Variants in RBFOX1 observed in about 807,000 individuals in gnomAD.
RBFOX1 encodes the protein RNA binding protein fox-1 homolog 1.
Under a neutral mutation model 57.7 loss-of-function variants are expected in RBFOX1, and 8 were observed. That is an observed-to-expected ratio of 0.14 (90% CI 0.08 to 0.25). The LOEUF is 0.25. Among genes scored for constraint, RBFOX1 ranks in the 10% least tolerant of loss-of-function variants. The probability of loss-of-function intolerance (pLI) is 1.00; values close to 1 mark genes in which losing one functional copy is unlikely to be tolerated. For synonymous variants in RBFOX1, 326 were observed against 222.4 expected, an observed-to-expected ratio of 1.47 and a Z score of -4.15; for missense variants, 611 against 548.5, an observed-to-expected ratio of 1.11 and a Z score of -1.14.
chr16:6,286,122 A>T (rs1263679405), intron 1 of RBFOX1, among the ~76,000 whole-genome samples: 2 of 152,160 alleles, frequency 1.3e-5, no homozygotes, highest in Non-Finnish European at 2.9e-5. Context: ...ATATGTTTCA[A>T]AGCAACGCTT....
At chr16:5,895,938 C>G (rs963091494) in intron 4 of RBFOX1, among the ~76,000 whole-genome samples, 3 of 152,142 alleles carry the variant, frequency 2.0e-5, no homozygotes, top group African/African-American at 7.2e-5. Flanking sequence ...AGAATGAAGT[C>G]TGTATTCCTG....
intron 2 of RBFOX1, among the ~76,000 whole-genome samples, chr16:6,564,804 C>T (rs1285347452): frequency 2.6e-5 from 4 of 152,086 alleles, no homozygotes; most frequent in Non-Finnish European, 4.4e-5. Context: ...TCACATTGTA[C>T]ACCTTGAATC....
chr16:5,470,308 C>G (rs1218611769), intron 2 of RBFOX1, among the ~76,000 whole-genome samples: 1 of 152,152 alleles, frequency 6.6e-6, no homozygotes, highest in Non-Finnish European at 1.5e-5. Context: ...GAGACAGGCT[C>G]TTCTCACCTA....
At chr16:6,962,126 C>T (rs920476085) in intron 3 of RBFOX1, among the ~76,000 whole-genome samples, 18 of 152,162 alleles carry the variant, frequency 1.2e-4, no homozygotes, top group African/African-American at 4.1e-4. Flanking sequence ...GACCATATTT[C>T]CTCTGAAGTC....
chr16:5,949,770 C>T (rs1330947377), intron 4 of RBFOX1, among the ~76,000 whole-genome samples: 2 of 152,078 alleles, frequency 1.3e-5, no homozygotes, highest in South Asian at 2.1e-4. Context: ...AATTCATCAC[C>T]CCGAATATTC....
At chr16:5,472,501 A>G (rs1236352816) in intron 2 of RBFOX1, among the ~76,000 whole-genome samples, 1 of 152,136 alleles carries the variant, frequency 6.6e-6, no homozygotes, top group Non-Finnish European at 1.5e-5. Context: ...GGTCAGACTG[A>G]CTGGGGAGTA....
chr16:5,984,946 TTATATATATATA>T (rs61004841), intron 4 of RBFOX1, among the ~76,000 whole-genome samples: 2,969 of 69,498 alleles, frequency 0.043, 95 homozygotes, highest in South Asian at 0.1. Context: ...GGCAACTCCA[TTATATATATATA>T]TATATATATA....
intron 1 of RBFOX1, among the ~76,000 whole-genome samples, chr16:6,277,143 TG>T (rs2075884237): frequency 6.6e-6 from 1 of 152,196 alleles, no homozygotes; most frequent in Admixed American, 6.5e-5. Flanking sequence ...AGTTTTGTAA[TG>T]ACTTATAAAT....
At chr16:7,443,101 C>G (rs2098781915) in intron 4 of RBFOX1, among the ~76,000 whole-genome samples, 1 of 152,156 alleles carries the variant, frequency 6.6e-6, no homozygotes, top group South Asian at 2.1e-4. Flanking sequence ...ACACTCTTAC[C>G]AAGGATAAAA....
intron 2 of RBFOX1, among the ~76,000 whole-genome samples, chr16:5,574,114 T>C (rs1465657884): frequency 6.6e-6 from 1 of 152,218 alleles, no homozygotes; most frequent in Non-Finnish European, 1.5e-5. Flanking sequence ...ACTTGTACAA[T>C]AGGCAGATGT....
At chr16:6,462,391 C>T in intron 2 of RBFOX1, among the ~76,000 whole-genome samples, 1 of 152,144 alleles carries the variant, frequency 6.6e-6, no homozygotes, top group East Asian at 1.9e-4. Flanking sequence ...TTTTGCAAGG[C>T]ATGGTTATTG....
chr16:5,615,031 C>G (rs1376667551), intron 3 of RBFOX1, among the ~76,000 whole-genome samples: 1 of 152,148 alleles, frequency 6.6e-6, no homozygotes, highest in Non-Finnish European at 1.5e-5. Context: ...GTGTAGCATT[C>G]AGCTCAGTTT....
rs76013657 is a variant in RBFOX1, at chr16:5,947,863, G to A, written c.351+80528G>A. On this transcript the variant is annotated intron_variant, in intron 4 of 19. Transcript: ENST00000641259. The surrounding 1 kb of genome is among the most constrained non-coding windows in gnomAD (Gnocchi z 7.2). ...GCTAAAAGTACCTGTTGTAATTACC[G>A]GGCCACCCGTAACGGGAGTTTATGT... Among the ~76,000 whole-genome samples the A allele has an allele frequency of 7.2e-3, 1,097 of 152,238 alleles. 5 individuals are homozygous for A. The highest frequency in any genetic ancestry group is 0.014 in the Middle Eastern group (4 of 294).
intron 1 of RBFOX1, among the ~76,000 whole-genome samples, chr16:5,297,852 C>T (rs184403000): frequency 2.4e-4 from 36 of 152,284 alleles, no homozygotes; most frequent in African/African-American, 8.4e-4. Flanking sequence ...ACACTTATTC[C>T]CTTTTAAATT....
At chr16:7,012,578 A>AT (rs2093703602) in intron 3 of RBFOX1, among the ~76,000 whole-genome samples, 1 of 152,168 alleles carries the variant, frequency 6.6e-6, no homozygotes, top group Non-Finnish European at 1.5e-5. Flanking sequence ...GTACAGTGTG[A>AT]TTTTTAAATG....
At chr16:6,650,560 C>G (rs570000512) in intron 2 of RBFOX1, among the ~76,000 whole-genome samples, 3 of 152,162 alleles carry the variant, frequency 2.0e-5, no homozygotes, top group Admixed American at 6.5e-5. Context: ...AATTTAGAGA[C>G]AGTACGAAAA....
At chr16:6,288,256 G>T (rs189868720) in intron 1 of RBFOX1, among the ~76,000 whole-genome samples, 1 of 152,124 alleles carries the variant, frequency 6.6e-6, no homozygotes, top group South Asian at 2.1e-4. Context: ...TTATAGCGAT[G>T]TTTATCAAGT....
At chr16:7,651,701 T>A (rs2065098342) in intron 11 of RBFOX1, among the ~76,000 whole-genome samples, 1 of 152,176 alleles carries the variant, frequency 6.6e-6, no homozygotes, top group Non-Finnish European at 1.5e-5. Flanking sequence ...CCCTGCCCCT[T>A]GAGAGGTTTG....
Position 5,429,661 on chromosome 16 carries a change from G to A in RBFOX1, c.220-37555G>A, listed in dbSNP as rs570459429. 2.0e-5 allele frequency among the ~76,000 whole-genome samples: 3 copies of A among 152,308 alleles called. No individual in the cohort carries two copies. In the East Asian group the frequency reaches 5.8e-4, roughly 29 times the overall value. On this transcript the variant is annotated intron_variant, in intron 1 of 2. Transcript: ENST00000585867. ...GAGGTGTGGGTGGCACAAAGGCCTG[G>A]ATAGTTCAACCCTACCTCTGAGGGG...
Sources: gnomAD v4.1 joint callset for allele counts (sites outside exome capture counted in the v4.1 genomes callset) on GRCh38, gnomAD v4.1.1 for gene constraint, Gnocchi (gnomAD v3.1) non-coding constraint, MANE v1.5 for transcripts, NCBI Gene and HGNC (gene_info 2026-07-23, HGNC 2026-07-21) for gene names.